Variants in FGFR2 observed in about 807,000 individuals in gnomAD.
FGFR2 encodes BEK fibroblast growth factor receptor.
Under a neutral mutation model 95.9 loss-of-function variants are expected in FGFR2, and 19 were observed. The ratio of observed to expected loss-of-function variants is 0.20; its 90% CI spans 0.14 to 0.29. The LOEUF is 0.29. Among genes scored for constraint, FGFR2 ranks in the 10% least tolerant of loss-of-function variants. The pLI, the probability that FGFR2 is intolerant of heterozygous loss-of-function variation, is 1.00. For synonymous variants in FGFR2, 392 were observed against 393.3 expected (o/e 1.00, Z 0.04); for missense variants, 707 against 1,056.9 (o/e 0.67, Z 4.59).
In FGFR2 at chr10:121,515,332, T is replaced by C. The variant is rs41295573; in HGVS notation, c.1085-13A>G. On this transcript the variant is annotated splice_polypyrimidine_tract_variant and intron_variant, in intron 8 of 17. Transcript: ENST00000358487. ...TCTCTTCCAGGCGCTAGATTGCAGA[T>C]CACAGGAGGAGGAACAGATAAGCAG... The C allele has an allele frequency of 8.7e-6, 14 of 1,613,472 alleles. No individual in the cohort carries two copies. The Admixed American group carries it at 1.5e-4, about 17-fold the overall frequency.
At chr10:121,524,201 A>T (rs1322028308) in intron 6 of FGFR2, among the ~76,000 whole-genome samples, 1 of 151,884 alleles carries the variant, frequency 6.6e-6, no homozygotes, top group African/African-American at 2.4e-5. Context: ...AGCATACCAA[A>T]TGTTACACGC....
At chr10:121,498,693 A>T in intron 11 of FGFR2, 88 bp from the exon 12 acceptor site, 1 of 1,089,208 alleles carries the variant, frequency 9.2e-7, no homozygotes, top group South Asian at 1.3e-5. Flanking sequence ...TAGTTGAAAC[A>T]GCATGAAATT....
At position 121,480,501 on chromosome 10, in the gene FGFR2, A is replaced by G. The variant is rs192038097; in HGVS notation, c.2302-480T>C. Reference sequence around the variant, plus strand: ...GTGGGTCCCCAGACCCCCTTTAAGTAGTTGAGACTATGAATATTTATTTTC... The same window carrying G: ...GTGGGTCCCCAGACCCCCTTTAAGTGGTTGAGACTATGAATATTTATTTTC... On this transcript the variant is annotated intron_variant, in intron 17 of 17. Coordinates refer to ENST00000358487, the MANE Select transcript of FGFR2 (RefSeq NM_000141.5). 3.7e-5 allele frequency: 9 copies of G among 240,346 alleles called. No individual in the cohort carries two copies. The Admixed American group carries it at 3.9e-4, about 11-fold the overall frequency. 14.9% of individuals were successfully genotyped at this position (240,346 alleles called of 1,614,324 possible).
At chr10:121,564,822 T>C (rs945708363) in intron 3 of FGFR2, among the ~76,000 whole-genome samples, 2 of 152,166 alleles carry the variant, frequency 1.3e-5, no homozygotes, top group Admixed American at 1.3e-4. Context: ...GCTATAAAAT[T>C]GGATATATGA....
intron 9 of FGFR2, among the ~76,000 whole-genome samples, chr10:121,509,928 T>C (rs1848837289): frequency 6.6e-6 from 1 of 152,058 alleles, no homozygotes; most frequent in African/African-American, 2.4e-5. Context: ...ACAAACACAC[T>C]TGGACCACAG....
intron 6 of FGFR2, among the ~76,000 whole-genome samples, chr10:121,524,561 C>G (rs550059559): frequency 9.2e-5 from 14 of 152,196 alleles, no homozygotes; most frequent in Non-Finnish European, 1.8e-4. Context: ...CAGCATCTGC[C>G]GAACGCTGCG....
intron 6 of FGFR2, chr10:121,526,084 C>T (rs1851328847): frequency 5.0e-6 from 2 of 397,952 alleles, no homozygotes; most frequent in African/African-American, 4.1e-5. Flanking sequence ...TGCTCTCAGG[C>T]CCCCATTCAT....
intron 2 of FGFR2, among the ~76,000 whole-genome samples, chr10:121,567,090 C>A (rs1353008796): frequency 6.6e-6 from 1 of 152,136 alleles, no homozygotes; most frequent in Admixed American, 6.5e-5. Flanking sequence ...CAAATCAGGG[C>A]AGGATCAAAG....
intron 4 of FGFR2, among the ~76,000 whole-genome samples, chr10:121,559,169 G>C (rs956623552): frequency 6.7e-5 from 10 of 149,604 alleles, no homozygotes; most frequent in Non-Finnish European, 1.2e-4. Flanking sequence ...ATCAACACAG[G>C]GTCACTGGAG....
rs151172707 is a variant in FGFR2, at chr10:121,500,438, T to C, written c.1561+388A>G. Among the ~76,000 whole-genome samples, 247 of 152,278 alleles carry C rather than the reference T, an allele frequency of 1.6e-3. 1 individual carries two copies. Among genetic ancestry groups the C allele is most frequent in the African/African-American group, 5.2e-3 (217 of 41,556 alleles). ...TCGTTCCCTCCAAAAACACAAATTT[T>C]CTTGTACTTGTAAAGTTAAGGTTTA... On this transcript the variant is annotated intron_variant, in intron 11 of 17. Coordinates refer to ENST00000358487, the MANE Select transcript of FGFR2 (RefSeq NM_000141.5).
intron 11 of FGFR2, among the ~76,000 whole-genome samples, chr10:121,499,913 G>C (rs1847371417): frequency 6.6e-6 from 1 of 152,166 alleles, no homozygotes; most frequent in Admixed American, 6.5e-5. Context: ...AGTCCAGCCT[G>C]CTACTTCCCC....
At chr10:121,574,635 T>A (rs990254966) in intron 2 of FGFR2, among the ~76,000 whole-genome samples, 2 of 152,154 alleles carry the variant, frequency 1.3e-5, no homozygotes, top group African/African-American at 4.8e-5. Context: ...GAGGGCTGTG[T>A]ACACAGCAAC....
In FGFR2 at chr10:121,517,705, T is replaced by C. The variant is rs1227596595; in HGVS notation, c.940-242A>G. On this transcript the variant is annotated intron_variant, in intron 7 of 17. Transcript: ENST00000358487. This position sits in a 1 kb window ranked among gnomAD's most constrained non-coding sequence, Gnocchi z 4.7. ...CTACACATGCACGCAATCAAACGCA[T>C]GGAAAAAATCAACCCACAGAGGTCC... Among the ~76,000 whole-genome samples the C allele has an allele frequency of 6.6e-6, 1 of 152,030 alleles. No individual in the cohort carries two copies. Among genetic ancestry groups the C allele is most frequent in the Non-Finnish European group, 1.5e-5 (1 of 67,998 alleles).
chr10:121,522,396 A>G (rs576210697), intron 6 of FGFR2, among the ~76,000 whole-genome samples: 1 of 152,226 alleles, frequency 6.6e-6, no homozygotes, highest in South Asian at 2.1e-4. Context: ...TATCTCTACA[A>G]ATAATACAAA....
intron 6 of FGFR2, among the ~76,000 whole-genome samples, chr10:121,523,735 TTAAGA>T (rs1850894721): frequency 6.6e-6 from 1 of 152,204 alleles, no homozygotes; most frequent in Non-Finnish European, 1.5e-5. Context: ...TGGGTGCGTT[TTAAGA>T]TAAATATTTA....
At chr10:121,486,529 A>G (rs1452134031) in intron 15 of FGFR2, among the ~76,000 whole-genome samples, 1 of 152,012 alleles carries the variant, frequency 6.6e-6, no homozygotes, top group East Asian at 1.9e-4. Context: ...GCAACCTCTG[A>G]CTCCCAGGTT....
At chr10:121,554,440 G>A (rs796864490) in intron 4 of FGFR2, among the ~76,000 whole-genome samples, 7 of 150,626 alleles carry the variant, frequency 4.6e-5, no homozygotes, top group African/African-American at 1.7e-4. Flanking sequence ...CCGGGTTCAC[G>A]CCATTCTCCT....
chr10:121,584,246 G>C (rs1037000032), intron 2 of FGFR2, among the ~76,000 whole-genome samples: 1 of 151,842 alleles, frequency 6.6e-6, no homozygotes, highest in Non-Finnish European at 1.5e-5. Context: ...GAGTGTTCAG[G>C]GGAGGTCACT....
At chr10:121,585,916 A>C (rs1305800067) in intron 2 of FGFR2, among the ~76,000 whole-genome samples, 23 of 152,248 alleles carry the variant, frequency 1.5e-4, no homozygotes, top group Admixed American at 1.5e-3. Flanking sequence ...AGGCAGCCAC[A>C]CATCTTTGGG....
Sources: allele counts gnomAD v4.1 joint callset (sites outside exome capture counted in the v4.1 genomes callset), GRCh38; gene constraint gnomAD v4.1.1; non-coding constraint Gnocchi (gnomAD v3.1); transcripts MANE v1.5; gene names NCBI Gene and HGNC (gene_info 2026-07-23, HGNC 2026-07-21).